Variants in RIMS1 observed in about 807,000 individuals in gnomAD.
RIMS1 encodes regulating synaptic membrane exocytosis 1.
In RIMS1, 83 loss-of-function variants were observed where a neutral mutation model predicts 214.1. That is an observed-to-expected ratio of 0.39 (90% CI 0.32 to 0.47). RIMS1 has a LOEUF of 0.47. Among genes scored for constraint, RIMS1 ranks in the 20% least tolerant of loss-of-function variants. RIMS1 has a pLI of 0.99. For missense variants in RIMS1, 2,050 were observed against 2,161.8 expected (o/e 0.95, Z 1.03); for synonymous variants, 793 against 786.8 (o/e 1.01, Z -0.13).
At chr6:72,276,154 G>A (rs2086283285) in intron 23 of RIMS1, among the ~76,000 whole-genome samples, 1 of 152,194 alleles carries the variant, frequency 6.6e-6, no homozygotes, top group African/African-American at 2.4e-5. Flanking sequence ...GGTCAAGGTT[G>A]TAGTGAGCCA....
chr6:72,272,448 A>G (rs2083913366), intron 22 of RIMS1, among the ~76,000 whole-genome samples: 1 of 152,158 alleles, frequency 6.6e-6, no homozygotes. Flanking sequence ...CAGATTTATT[A>G]TATTGGTACT....
Position 72,258,973 on chromosome 6 carries a change from G to A in RIMS1, c.2928-13G>A. Reference sequence around the variant, plus strand: ...ATACAATTTGACACATAAGAATTTTGTAATCATTTTAGGAGTTTAGATGAA... The same window carrying A: ...ATACAATTTGACACATAAGAATTTTATAATCATTTTAGGAGTTTAGATGAA... On this transcript the variant is annotated splice_polypyrimidine_tract_variant and intron_variant, in intron 17 of 33. Transcript: ENST00000521978. The A allele has an allele frequency of 6.2e-7, 1 of 1,611,854 alleles. No individual in the cohort carries two copies. The highest frequency in any genetic ancestry group is 8.5e-7 in the Non-Finnish European group (1 of 1,178,366).
chr6:72,125,215 G>A (rs1463952195), intron 4 of RIMS1, among the ~76,000 whole-genome samples: 2 of 152,126 alleles, frequency 1.3e-5, no homozygotes, highest in African/African-American at 4.8e-5. Context: ...CTTTTTGTTA[G>A]TTTTCCTTCT....
chr6:72,013,120 T>C (rs1273632991), intron 2 of RIMS1, among the ~76,000 whole-genome samples: 1 of 152,202 alleles, frequency 6.6e-6, no homozygotes, highest in Non-Finnish European at 1.5e-5. Context: ...ACCATAACTA[T>C]ATAAACCTAT....
intron 4 of RIMS1, among the ~76,000 whole-genome samples, chr6:72,177,618 C>T (rs1399002751): frequency 2.0e-5 from 3 of 152,200 alleles, no homozygotes; most frequent in Non-Finnish European, 4.4e-5. Flanking sequence ...ACAAATTTAA[C>T]GTCTTCTTAT....
chr6:72,059,661 T>C (rs977599708), intron 2 of RIMS1, among the ~76,000 whole-genome samples: 7 of 152,264 alleles, frequency 4.6e-5, no homozygotes, highest in African/African-American at 1.7e-4. Flanking sequence ...CTATACAATT[T>C]GATGCCTTAT....
chr6:72,138,044 A>G (rs1185108289), intron 4 of RIMS1, among the ~76,000 whole-genome samples: 2 of 151,984 alleles, frequency 1.3e-5, no homozygotes, highest in African/African-American at 4.8e-5. Context: ...CAAAGTCTAT[A>G]CAATCTTAAT....
At chr6:71,949,044 T>A (rs758323980) in intron 1 of RIMS1, among the ~76,000 whole-genome samples, 2 of 152,178 alleles carry the variant, frequency 1.3e-5, no homozygotes, top group Non-Finnish European at 1.5e-5. Context: ...GGCTGCCTTG[T>A]CCCTGGTGAT....
chr6:72,090,687 T>C (rs951847543), intron 2 of RIMS1, among the ~76,000 whole-genome samples: 4 of 152,228 alleles, frequency 2.6e-5, no homozygotes, highest in Non-Finnish European at 5.9e-5. Context: ...TGGTACATGC[T>C]GTCATGAACT....
intron 2 of RIMS1, among the ~76,000 whole-genome samples, chr6:72,096,528 G>C (rs1452385419): frequency 6.6e-6 from 1 of 152,200 alleles, no homozygotes; most frequent in Non-Finnish European, 1.5e-5. Context: ...GAATAGGATA[G>C]AAAATAGTAG....
intron 1 of RIMS1, among the ~76,000 whole-genome samples, chr6:71,932,020 C>CT (rs1783191858): frequency 6.6e-6 from 1 of 152,048 alleles, no homozygotes; most frequent in Non-Finnish European, 1.5e-5. Flanking sequence ...TGCTTATACA[C>CT]TGTTGGTGGA....
At chr6:72,209,847 G>GCTGAGATCA (rs576393831) in intron 6 of RIMS1, among the ~76,000 whole-genome samples, 205 of 147,484 alleles carry the variant, frequency 1.4e-3, no homozygotes, top group African/African-American at 4.9e-3. Context: ...CTTGCGGTGA[G>GCTGAGATCA]CTGAGATCAC....
chr6:72,359,476 C>CTT (rs949683489), intron 29 of RIMS1, among the ~76,000 whole-genome samples: 1 of 146,938 alleles, frequency 6.8e-6, no homozygotes, highest in African/African-American at 2.5e-5. Context: ...AAGCAATTTG[C>CTT]TTTTTTTTTT....
chr6:72,108,001 G>A (rs1418269313), intron 4 of RIMS1, among the ~76,000 whole-genome samples: 1 of 143,570 alleles, frequency 7.0e-6, no homozygotes, highest in Non-Finnish European at 1.6e-5. Flanking sequence ...TTGTTTGTTT[G>A]TTTTGTTTTG....
rs1264025091 is a variant in RIMS1, at chr6:72,160,742, C to T, written c.472-18833C>T. 5.7e-5 allele frequency among the ~76,000 whole-genome samples: 8 copies of T among 140,644 alleles called. 3 individuals carry two copies. In the East Asian group the frequency reaches 6.0e-4, roughly 11 times the overall value. The allele number at this position is 140,644 out of a possible 152,430, so 92.3% of individuals were successfully genotyped here. On this transcript the variant is annotated intron_variant, in intron 4 of 33. Coordinates refer to ENST00000521978, the MANE Select transcript of RIMS1 (RefSeq NM_014989.7). The stretch of plus-strand genomic sequence containing the variant: ...ATCCCAAGGATGAAGCCCACTTGAT[C>T]ATGGTGGGTAAGTTTTTTGATGTGC...
intron 4 of RIMS1, among the ~76,000 whole-genome samples, chr6:72,105,308 TTTA>T (rs2034521275): frequency 6.6e-6 from 1 of 152,276 alleles, no homozygotes; most frequent in East Asian, 1.9e-4. Flanking sequence ...TATAATTATT[TTTA>T]TTTCAAAATT....
intron 29 of RIMS1, among the ~76,000 whole-genome samples, chr6:72,352,825 G>T (rs1354288006): frequency 3.3e-5 from 5 of 151,968 alleles, no homozygotes; most frequent in African/African-American, 1.2e-4. Flanking sequence ...TAGATGCTGG[G>T]GATGGGACCC....
At chr6:72,064,385 G>T (rs1828754515) in intron 2 of RIMS1, among the ~76,000 whole-genome samples, 1 of 152,030 alleles carries the variant, frequency 6.6e-6, no homozygotes, top group Non-Finnish European at 1.5e-5. Context: ...ACGAAGGAAG[G>T]AACGAAGGAA....
chr6:72,278,199 A>ATC (rs1563454812), intron 23 of RIMS1, among the ~76,000 whole-genome samples: 7 of 141,360 alleles, frequency 5.0e-5, no homozygotes, highest in African/African-American at 1.5e-4. Context: ...ATCTATCTAT[A>ATC]TATGATTTTT....
Sources: allele counts gnomAD v4.1 joint callset (sites outside exome capture counted in the v4.1 genomes callset), GRCh38; gene constraint gnomAD v4.1.1; transcripts MANE v1.5; gene names NCBI Gene and HGNC (gene_info 2026-07-23, HGNC 2026-07-21).